The following IQCH variants were observed in gnomAD, a reference collection of about 807,000 sequenced individuals.
IQCH encodes IQ motif containing H.
A neutral mutation model predicts 117.0 loss-of-function variants in IQCH; 98 were observed. That is an observed-to-expected ratio of 0.84 (90% confidence interval 0.71 to 0.99). IQCH has a LOEUF of 0.99. IQCH is among the 50% of genes least tolerant of loss of function. The probability of loss-of-function intolerance (pLI) is 0.00; values close to 1 mark genes in which losing one functional copy is unlikely to be tolerated. For synonymous variants in IQCH, 412 were observed against 448.2 expected (o/e 0.92, Z 1.02); for missense variants, 1,102 against 1,243.8 (o/e 0.89, Z 1.72).
At position 67,466,142 on chromosome 15, in the gene IQCH, G is replaced by A. The variant is rs2082926685; in HGVS notation, c.2676+845G>A. 6.6e-6 allele frequency among the ~76,000 whole-genome samples: 1 copy of A among 152,178 alleles called. No homozygotes were observed. Among genetic ancestry groups the A allele is most frequent in the South Asian group, 2.1e-4 (1 of 4,830 alleles). On this transcript the variant is annotated intron_variant, in intron 17 of 20. Transcript: ENST00000335894. The surrounding 1 kb of genome is among the most constrained non-coding windows in gnomAD (Gnocchi z 4.4). ...CTTATTGCTAGCTCCATCAGTGAGG[G>A]GGCTGGGGCCAGAGTCCTGGGGCTG...
At position 67,431,218 on chromosome 15, in the gene IQCH, C is replaced by T. The variant is rs879543635; in HGVS notation, c.2505+9641C>T. ...AAATATACATTTATATAGCAATTCT[C>T]CCATTCCTGTTCCTCATATAAAAGT... On this transcript the variant is annotated intron_variant, in intron 16 of 20. Coordinates refer to ENST00000335894, the MANE Select transcript of IQCH (RefSeq NM_001031715.3). This position sits in a 1 kb window ranked among gnomAD's most constrained non-coding sequence, Gnocchi z 4.8. Among the ~76,000 whole-genome samples, 3 of 152,170 alleles carry T rather than the reference C, an allele frequency of 2.0e-5. No individual in the cohort carries two copies. Among genetic ancestry groups the T allele is most frequent in the Non-Finnish European group, 4.4e-5 (3 of 68,032 alleles).
At position 67,261,508 on chromosome 15, in the gene IQCH, G is replaced by A. The variant is rs567450845; in HGVS notation, c.174+114G>A. On this transcript the variant is annotated intron_variant, in intron 2 of 20. Coordinates refer to ENST00000335894, the MANE Select transcript of IQCH (RefSeq NM_001031715.3). ...AATTCTGTAACAAAGCTGAATTTAG[G>A]GCAGTCGTCAGCATTCTTGTTTTGT... 180 of 811,652 alleles carry A rather than the reference G, an allele frequency of 2.2e-4. 1 individual carries two copies. Among genetic ancestry groups the A allele is most frequent in the Non-Finnish European group, 3.3e-4 (173 of 521,270 alleles). 50.3% of individuals were successfully genotyped at this position (811,652 alleles called of 1,614,324 possible).
rs888712107 is a variant in IQCH at position 67,445,258 on chromosome 15, T to C, written c.2506-19869T>C. Among the ~76,000 whole-genome samples, 24 of 152,248 alleles carry C rather than the reference T, an allele frequency of 1.6e-4. No individual in the cohort carries two copies. Among genetic ancestry groups the C allele is most frequent in the Non-Finnish European group, 3.2e-4 (22 of 68,054 alleles). On this transcript the variant is annotated intron_variant, in intron 16 of 20. Coordinates refer to ENST00000335894, the MANE Select transcript of IQCH (RefSeq NM_001031715.3). This position sits in a 1 kb window ranked among gnomAD's most constrained non-coding sequence, Gnocchi z 4.3. ...AATCTTTTGCATAAATGGAACTGTT[T>C]TAGCAATATGTATATTCCTTTAAAC...
intron 4 of IQCH, chr15:67,281,732 C>T (rs781698593): frequency 5.9e-5 from 27 of 454,526 alleles, no homozygotes; most frequent in South Asian, 4.2e-4. Context: ...CTTCTGTTTG[C>T]TGGCCCTGTG....
rs1204761068 is a variant in IQCH at position 67,413,097 on chromosome 15, G to GTGTGTC, written c.2098-3831_2098-3830insGTCTGT. ...TGTGTGTGTGTGTGTGTGTGTGTGT[G>GTGTGTC]TGTCTGTGTGTACATAAGTTTGTTT... On this transcript the variant is annotated intron_variant, in intron 14 of 20. Coordinates refer to ENST00000335894, the MANE Select transcript of IQCH (RefSeq NM_001031715.3). This position sits in a 1 kb window ranked among gnomAD's most constrained non-coding sequence, Gnocchi z 5.0. 2.0e-3 allele frequency among the ~76,000 whole-genome samples: 305 copies of GTGTGTC among 151,638 alleles called. 3 individuals carry two copies. The highest frequency in any genetic ancestry group is 0.018 in the Admixed American group (282 of 15,248).
At chr15:67,316,661 A>G (rs1967860287) in intron 4 of IQCH, among the ~76,000 whole-genome samples, 1 of 152,154 alleles carries the variant, frequency 6.6e-6, no homozygotes, top group Admixed American at 6.6e-5. Flanking sequence ...TGTAATCTTC[A>G]CAGTAACCCT....
At chr15:67,371,411 C>G (rs1970527317) in intron 8 of IQCH, 3 of 1,256,304 alleles carry the variant, frequency 2.4e-6, no homozygotes, top group East Asian at 2.7e-5. Flanking sequence ...CAAATGCTCC[C>G]TTGGTTTTGT....
intron 4 of IQCH, among the ~76,000 whole-genome samples, chr15:67,316,807 T>C (rs753432262): frequency 2.6e-4 from 39 of 152,206 alleles, no homozygotes; most frequent in Admixed American, 5.9e-4. Flanking sequence ...AGTCGGACTT[T>C]CAACGTAGCA....
At chr15:67,278,739 G>A (rs945002900) in intron 3 of IQCH, among the ~76,000 whole-genome samples, 11 of 152,186 alleles carry the variant, frequency 7.2e-5, no homozygotes, top group African/African-American at 2.4e-4. Flanking sequence ...TCAAGTTATT[G>A]AGTTGTATTG....
chr15:67,451,420 T>C (rs1014853620), intron 16 of IQCH, among the ~76,000 whole-genome samples: 81 of 152,292 alleles, frequency 5.3e-4, no homozygotes, highest in Admixed American at 2.2e-3. Flanking sequence ...TCTGGTATGT[T>C]GTGTCTTTGT....
chr15:67,287,566 C>T (rs994398166), intron 4 of IQCH, among the ~76,000 whole-genome samples: 18 of 152,210 alleles, frequency 1.2e-4, no homozygotes, highest in African/African-American at 4.3e-4. Flanking sequence ...TATAATTCCT[C>T]ATAGAAGCCA....
chr15:67,377,659 T>A (rs1168086613), intron 10 of IQCH, among the ~76,000 whole-genome samples: 1 of 152,172 alleles, frequency 6.6e-6, no homozygotes, highest in Admixed American at 6.6e-5. Context: ...AAATGAGACG[T>A]GCCAAATATG....
At chr15:67,439,956 A>C (rs1305453034) in intron 16 of IQCH, among the ~76,000 whole-genome samples, 2 of 152,076 alleles carry the variant, frequency 1.3e-5, no homozygotes, top group Admixed American at 6.6e-5. Context: ...GATAAATAAA[A>C]TTGATAGACC....
intron 8 of IQCH, among the ~76,000 whole-genome samples, chr15:67,363,996 G>A (rs2140761462): frequency 6.6e-6 from 1 of 152,280 alleles, no homozygotes; most frequent in Middle Eastern, 3.4e-3. Flanking sequence ...TTGCTATTGT[G>A]AATAGTGCTG....
chr15:67,341,237 G>A (rs778516727), intron 5 of IQCH, among the ~76,000 whole-genome samples: 1 of 152,030 alleles, frequency 6.6e-6, no homozygotes, highest in African/African-American at 2.4e-5. Flanking sequence ...AAGAAAAAGA[G>A]AGAGAAAATA....
intron 4 of IQCH, among the ~76,000 whole-genome samples, chr15:67,287,819 A>C (rs1418755606): frequency 1.3e-5 from 2 of 151,592 alleles, no homozygotes; most frequent in African/African-American, 2.4e-5. Flanking sequence ...GTTCTTTAAG[A>C]TGTATTGTTA....
At chr15:67,297,996 CTAA>C (rs1470356074) in intron 4 of IQCH, among the ~76,000 whole-genome samples, 1 of 151,956 alleles carries the variant, frequency 6.6e-6, no homozygotes. Context: ...AAAAAAAATT[CTAA>C]TAATCTGTTT....
intron 18 of IQCH, among the ~76,000 whole-genome samples, chr15:67,482,447 T>C (rs2083365936): frequency 6.6e-6 from 1 of 152,242 alleles, no homozygotes; most frequent in Non-Finnish European, 1.5e-5. Flanking sequence ...GAGCCAGACC[T>C]GATCTAGAAG....
chr15:67,337,231 C>A, intron 5 of IQCH, 136 bp downstream of exon 5: 1 of 856,524 alleles, frequency 1.2e-6, no homozygotes, highest in Non-Finnish European at 1.8e-6. Context: ...CAGGTCCTCA[C>A]TCTGGTCTGA....
Sources: allele counts gnomAD v4.1 joint callset (sites outside exome capture counted in the v4.1 genomes callset), GRCh38; gene constraint gnomAD v4.1.1; non-coding constraint Gnocchi (gnomAD v3.1); transcripts MANE v1.5; gene names NCBI Gene and HGNC (gene_info 2026-07-23, HGNC 2026-07-21).